Variants in PTPRT observed in about 807,000 individuals in gnomAD.
PTPRT encodes receptor-type tyrosine-protein phosphatase T.
Under a neutral mutation model 176.8 loss-of-function variants are expected in PTPRT, and 56 were observed. The ratio of observed to expected loss-of-function variants is 0.32; its 90% CI spans 0.26 to 0.40. PTPRT has a LOEUF of 0.40. PTPRT is among the 10% of genes least tolerant of loss of function. PTPRT has a pLI of 1.00. For synonymous variants in PTPRT, 783 were observed against 739.0 expected (o/e 1.06, Z -0.96); for missense variants, 1,540 against 1,908.2 (o/e 0.81, Z 3.60).
At chr20:43,065,658 C>A (rs1259051602) in intron 1 of PTPRT, among the ~76,000 whole-genome samples, 1 of 152,166 alleles carries the variant, frequency 6.6e-6, no homozygotes, top group Non-Finnish European at 1.5e-5. Context: ...ATGATGTACA[C>A]CAGCCAGAGG....
chr20:42,323,846 G>A (rs891586004), intron 11 of PTPRT, among the ~76,000 whole-genome samples: 5 of 151,972 alleles, frequency 3.3e-5, no homozygotes, highest in Non-Finnish European at 4.4e-5. Flanking sequence ...CATTATAACG[G>A]CCATCAGACA....
At chr20:42,932,744 T>TA (rs1375627746) in intron 1 of PTPRT, among the ~76,000 whole-genome samples, 20 of 152,292 alleles carry the variant, frequency 1.3e-4, no homozygotes, top group East Asian at 1.2e-3. Flanking sequence ...AGAAGGACCT[T>TA]AAAAATCCTC....
chr20:42,139,434 C>T (rs1988523506), intron 18 of PTPRT, among the ~76,000 whole-genome samples: 1 of 152,134 alleles, frequency 6.6e-6, no homozygotes, highest in African/African-American at 2.4e-5. Flanking sequence ...GGGTGATGTA[C>T]GACAGGGAAG....
At chr20:42,652,671 C>A (rs1326847510) in intron 7 of PTPRT, among the ~76,000 whole-genome samples, 1 of 152,112 alleles carries the variant, frequency 6.6e-6, no homozygotes, top group Non-Finnish European at 1.5e-5. Context: ...GCCTATGGTG[C>A]CTCTGATAGC....
chr20:42,683,412 G>A (rs1713230555), intron 6 of PTPRT, among the ~76,000 whole-genome samples: 1 of 151,958 alleles, frequency 6.6e-6, no homozygotes, highest in Non-Finnish European at 1.5e-5. Flanking sequence ...CAAGTAGCTG[G>A]GATTACAGGC....
chr20:42,772,827 A>G (rs2145469424), intron 4 of PTPRT, among the ~76,000 whole-genome samples: 1 of 152,348 alleles, frequency 6.6e-6, no homozygotes, highest in Middle Eastern at 3.4e-3. Context: ...GAGCTCCTAC[A>G]ATGCCAGGTA....
At chr20:42,048,846 A>C in the PTPRT span, among the ~76,000 whole-genome samples, 1 of 152,096 alleles carries the variant, frequency 6.6e-6, no homozygotes, top group Non-Finnish European at 1.5e-5. Flanking sequence ...TTTGAGATGC[A>C]CTTTCGCTCT....
At chr20:42,216,731 G>A (rs1480969145) in intron 15 of PTPRT, among the ~76,000 whole-genome samples, 4 of 152,046 alleles carry the variant, frequency 2.6e-5, no homozygotes, top group African/African-American at 7.2e-5. Context: ...GAGCTTCCCC[G>A]TGTCTACGAC....
At chr20:42,328,071 A>G (rs1449238818) in intron 11 of PTPRT, among the ~76,000 whole-genome samples, 1 of 152,140 alleles carries the variant, frequency 6.6e-6, no homozygotes, top group Non-Finnish European at 1.5e-5. Flanking sequence ...CAACTGGGGA[A>G]AATAGGAACT....
At chr20:43,061,121 T>TGGATGGATGGATGGTC (rs1233758380) in intron 1 of PTPRT, among the ~76,000 whole-genome samples, 7 of 151,462 alleles carry the variant, frequency 4.6e-5, no homozygotes, top group African/African-American at 1.7e-4. Flanking sequence ...GATGGATGGA[T>TGGATGGATGGATGGTC]GGTCAGTCAG....
intron 9 of PTPRT, among the ~76,000 whole-genome samples, chr20:42,445,906 T>C (rs539265228): frequency 1.2e-4 from 18 of 152,160 alleles, no homozygotes; most frequent in Non-Finnish European, 2.4e-4. Flanking sequence ...AATGCCTCAA[T>C]TGCAGGAGGT....
chr20:42,492,599 C>T (rs773118790), intron 7 of PTPRT, among the ~76,000 whole-genome samples: 30 of 152,264 alleles, frequency 2.0e-4, no homozygotes, highest in Non-Finnish European at 4.0e-4. Flanking sequence ...GTTCTGCTTT[C>T]ATTATTATTC....
intron 11 of PTPRT, among the ~76,000 whole-genome samples, chr20:42,338,899 C>T (rs1306066886): frequency 6.6e-6 from 1 of 152,124 alleles, no homozygotes; most frequent in Non-Finnish European, 1.5e-5. Context: ...TCTCTTCTTC[C>T]TGCTCTCCCC....
intron 6 of PTPRT, among the ~76,000 whole-genome samples, chr20:42,753,405 T>C (rs886283120): frequency 1.1e-4 from 16 of 152,204 alleles, no homozygotes; most frequent in African/African-American, 3.9e-4. Flanking sequence ...ACCACCATCA[T>C]AATATTTAAA....
At chr20:42,866,088 G>T (rs1356559617) in intron 2 of PTPRT, among the ~76,000 whole-genome samples, 3 of 152,182 alleles carry the variant, frequency 2.0e-5, no homozygotes, top group Non-Finnish European at 4.4e-5. Context: ...CACATGTTGG[G>T]ATAGGACCCA....
intron 6 of PTPRT, among the ~76,000 whole-genome samples, chr20:42,743,073 G>A (rs958137669): frequency 2.0e-5 from 3 of 152,126 alleles, no homozygotes; most frequent in South Asian, 2.1e-4. Context: ...TTTTGCCGCT[G>A]ATTAACTCAA....
chr20:42,226,716 G>T (rs1211896344), intron 15 of PTPRT, among the ~76,000 whole-genome samples: 1 of 152,092 alleles, frequency 6.6e-6, no homozygotes, highest in Non-Finnish European at 1.5e-5. Flanking sequence ...TCCTGCCTTG[G>T]AGACATATTG....
chr20:42,902,169 A>C (rs1002162591), intron 1 of PTPRT, among the ~76,000 whole-genome samples: 23 of 152,194 alleles, frequency 1.5e-4, no homozygotes, highest in African/African-American at 5.3e-4. Flanking sequence ...GCTTTCTAAA[A>C]ACCTCTTCTT....
At chr20:42,390,872 G>A (rs2058793788) in intron 9 of PTPRT, among the ~76,000 whole-genome samples, 1 of 152,186 alleles carries the variant, frequency 6.6e-6, no homozygotes, top group African/African-American at 2.4e-5. Flanking sequence ...ACTTTCTTGA[G>A]TACCGACCGA....
Sources: allele counts gnomAD v4.1 joint callset (sites outside exome capture counted in the v4.1 genomes callset), GRCh38; gene constraint gnomAD v4.1.1; transcripts MANE v1.5; gene names NCBI Gene and HGNC (gene_info 2026-07-23, HGNC 2026-07-21).